Variants in GPR107 observed in about 807,000 individuals in gnomAD.
GPR107 encodes G protein-coupled receptor 107, also known as protein GPR107.
Under a neutral mutation model 75.5 loss-of-function variants are expected in GPR107, and 31 were observed. That is an observed-to-expected ratio of 0.41 (90% CI 0.31 to 0.55). The LOEUF is 0.55. Among genes scored for constraint, GPR107 ranks in the 20% least tolerant of loss-of-function variants. The pLI is 0.26. For missense variants in GPR107, 572 were observed against 665.7 expected (o/e 0.86, Z 1.55); for synonymous variants, 267 against 251.3 (o/e 1.06, Z -0.59).
rs758606786 is a variant in GPR107, at chr9:130,083,532, G to A, written c.527-33G>A. 5 of 1,434,254 alleles carry A rather than the reference G, an allele frequency of 3.5e-6. No individual in the cohort carries two copies. In the East Asian group the frequency reaches 1.3e-4, roughly 38 times the overall value. 88.8% of individuals were successfully genotyped at this position (1,434,254 alleles called of 1,614,324 possible). A position where few individuals can be genotyped will look rare whatever the true frequency, so the allele number is the denominator to read the frequency against. ...TATATGTATCTGTAAGTTGAGTCAT[G>A]CAGCACTCTCTTTTAAATGTTCTTG... On this transcript the variant is annotated intron_variant, in intron 5 of 17. Coordinates refer to ENST00000347136, the MANE Select transcript of GPR107 (RefSeq NM_020960.5).
At chr9:130,128,832 C>T (rs1831749054) in intron 17 of GPR107, 71 bp downstream of exon 17, 9 of 1,458,444 alleles carry the variant, frequency 6.2e-6, no homozygotes, top group South Asian at 1.2e-5. Flanking sequence ...CAGTGTGAAT[C>T]GGGTCGGCTG....
intron 7 of GPR107, among the ~76,000 whole-genome samples, chr9:130,088,392 A>G (rs1038376278): frequency 1.8e-4 from 28 of 151,868 alleles, no homozygotes; most frequent in Middle Eastern, 6.4e-3. Flanking sequence ...GCTCACTCCT[A>G]TTTCCCTCAT....
At position 130,054,058 on chromosome 9, in the gene GPR107, T is replaced by C; in HGVS notation, c.126T>C (p.His42=). ...CCGAGCCTGGCCTGGGCCGCGTCCA[T>C]CACCTGGCACTCAAGGTAAAGCTTG... ...LLAEPGLGRV[H]HLALKDDVRH... is the part of the protein sequence containing the mutation. Residue 42 remains histidine (H), a synonymous_variant, in exon 1 of 18, where the codon CAT becomes CAC. Coordinates refer to ENST00000347136, the MANE Select transcript of GPR107 (RefSeq NM_020960.5). 1 of 1,553,784 alleles carries C rather than the reference T, an allele frequency of 6.4e-7. No individual in the cohort carries two copies. The highest frequency in any genetic ancestry group is 1.4e-5 in the African/African-American group (1 of 73,264).
intron 1 of GPR107, among the ~76,000 whole-genome samples, chr9:130,072,647 T>G (rs1412900570): frequency 6.6e-6 from 1 of 151,990 alleles, no homozygotes; most frequent in African/African-American, 2.4e-5. Context: ...CAAAAACCTG[T>G]TTTTCATGGC....
chr9:130,059,497 A>T (rs1829875773), intron 1 of GPR107, among the ~76,000 whole-genome samples: 1 of 152,150 alleles, frequency 6.6e-6, no homozygotes, highest in Non-Finnish European at 1.5e-5. Flanking sequence ...TCAAAAAAAA[A>T]TAAATAAATA....
chr9:130,109,846 G>A (rs1006466295), intron 14 of GPR107, among the ~76,000 whole-genome samples: 3 of 152,248 alleles, frequency 2.0e-5, no homozygotes, highest in Admixed American at 6.5e-5. Context: ...TGGGATTACA[G>A]GCATGAGCCC....
In GPR107 at chr9:130,092,389, A is replaced by AT; in HGVS notation, c.863+11dup. Reference sequence around the variant, plus strand: ...TATCCTTCGAAAACGACGGTAAACTATTTCTCCCTTCAACTTAAGAGTGTG... The same window carrying AT: ...TATCCTTCGAAAACGACGGTAAACTATTTTCTCCCTTCAACTTAAGAGTGTG... On this transcript the variant is annotated intron_variant, in intron 9 of 17. Coordinates refer to ENST00000347136, the MANE Select transcript of GPR107 (RefSeq NM_020960.5). The AT allele has an allele frequency of 6.2e-7, 1 of 1,609,126 alleles. No individual in the cohort carries two copies. Among genetic ancestry groups the AT allele is most frequent in the Non-Finnish European group, 8.5e-7 (1 of 1,175,614 alleles).
At chr9:130,064,355 G>A (rs1053924495) in intron 1 of GPR107, among the ~76,000 whole-genome samples, 3 of 149,964 alleles carry the variant, frequency 2.0e-5, no homozygotes, top group Non-Finnish European at 3.0e-5. Context: ...CCGCCACCGC[G>A]CCCGGCTAAT....
chr9:130,120,185 T>C (rs1831516605), intron 14 of GPR107, among the ~76,000 whole-genome samples: 2 of 152,218 alleles, frequency 1.3e-5, no homozygotes, highest in South Asian at 4.1e-4. Context: ...GGTCCATTTG[T>C]CAGTCTTAGC....
intron 14 of GPR107, 117 bp downstream of exon 14, chr9:130,107,656 A>G (rs1393007460): frequency 1.3e-6 from 1 of 785,518 alleles, no homozygotes; most frequent in Non-Finnish European, 2.3e-6. Flanking sequence ...CTGGGAGGAG[A>G]GCTAGGGGAG....
At chr9:130,111,558 T>C (rs749744100) in intron 14 of GPR107, among the ~76,000 whole-genome samples, 1 of 152,056 alleles carries the variant, frequency 6.6e-6, no homozygotes, top group Non-Finnish European at 1.5e-5. Context: ...CAAAACACTA[T>C]GGCAAAGAAT....
intron 14 of GPR107, chr9:130,114,731 G>C (rs376266917): frequency 9.9e-7 from 1 of 1,010,772 alleles, no homozygotes. Flanking sequence ...CATACTAACC[G>C]AAAAACTTGG....
At chr9:130,093,917 C>T (rs775485188) in intron 9 of GPR107, among the ~76,000 whole-genome samples, 4 of 152,064 alleles carry the variant, frequency 2.6e-5, no homozygotes, top group East Asian at 1.9e-4. Context: ...TGGGTTCAAG[C>T]GATTCTGGTG....
chr9:130,076,184 A>G (rs1206544173), intron 2 of GPR107, among the ~76,000 whole-genome samples: 1 of 152,218 alleles, frequency 6.6e-6, no homozygotes, highest in Non-Finnish European at 1.5e-5. Flanking sequence ...GTAGCAAATT[A>G]TATATCAGGC....
At chr9:130,078,038 G>A (rs920183690) in intron 4 of GPR107, among the ~76,000 whole-genome samples, 3 of 152,048 alleles carry the variant, frequency 2.0e-5, no homozygotes, top group Admixed American at 6.6e-5. Context: ...GGTGGTGGGC[G>A]CCTGTAGTCC....
chr9:130,055,507 A>G (rs1040292781), intron 1 of GPR107, among the ~76,000 whole-genome samples: 22 of 138,280 alleles, frequency 1.6e-4, no homozygotes, highest in African/African-American at 6.1e-4. Flanking sequence ...CAGCCTGGGC[A>G]ACAGCGCGAG....
intron 5 of GPR107, among the ~76,000 whole-genome samples, chr9:130,082,406 T>C (rs1362949119): frequency 6.6e-6 from 1 of 152,152 alleles, no homozygotes; most frequent in East Asian, 1.9e-4. Flanking sequence ...GAAAATATTC[T>C]TTTCTTTCTC....
chr9:130,131,561 C>T (rs549794609), intron 17 of GPR107, among the ~76,000 whole-genome samples: 1 of 152,110 alleles, frequency 6.6e-6, no homozygotes, highest in Non-Finnish European at 1.5e-5. Context: ...CCTGCTACCC[C>T]CTCACTGCCC....
At chr9:130,070,141 C>G (rs1830170532) in intron 1 of GPR107, among the ~76,000 whole-genome samples, 2 of 149,784 alleles carry the variant, frequency 1.3e-5, no homozygotes. Flanking sequence ...GGACCATAGG[C>G]TTGCACCACC....
Sources: allele counts gnomAD v4.1 joint callset (sites outside exome capture counted in the v4.1 genomes callset), GRCh38; gene constraint gnomAD v4.1.1; transcripts MANE v1.5; gene names NCBI Gene and HGNC (gene_info 2026-07-23, HGNC 2026-07-21).